Variants in GALNT13 observed in about 807,000 individuals in gnomAD.
The protein encoded by GALNT13 is UDP-GalNAc:polypeptide N-acetylgalactosaminyltransferase 13.
Under a neutral mutation model 64.2 loss-of-function variants are expected in GALNT13, and 28 were observed. The observed-to-expected ratio is 0.44, with a 90% CI of 0.32 to 0.60. GALNT13 has a LOEUF of 0.60. GALNT13 is among the 20% of genes least tolerant of loss of function. The pLI is 0.05. For synonymous variants in GALNT13, 214 were observed against 224.6 expected, an observed-to-expected ratio of 0.95 and a Z score of 0.42; for missense variants, 577 against 669.8, an observed-to-expected ratio of 0.86 and a Z score of 1.53.
intron 4 of GALNT13, among the ~76,000 whole-genome samples, chr2:154,206,256 C>T (rs551010889): frequency 6.6e-6 from 1 of 152,026 alleles, no homozygotes; most frequent in East Asian, 2.0e-4. Flanking sequence ...CCGCCTCGGC[C>T]TCCCAAAGTG....
the GALNT13 span, among the ~76,000 whole-genome samples, chr2:153,411,183 T>C: frequency 6.7e-6 from 1 of 148,970 alleles, no homozygotes; most frequent in Non-Finnish European, 1.5e-5. Flanking sequence ...ATATATATTT[T>C]TTTTTTTTCC....
At chr2:153,731,053 TA>T in the GALNT13 span, among the ~76,000 whole-genome samples, 1 of 151,650 alleles carries the variant, frequency 6.6e-6, no homozygotes, top group Non-Finnish European at 1.5e-5. Context: ...ATTGGATAAA[TA>T]AACTATTATA....
chr2:153,997,307 T>C (rs1191470886), intron 3 of GALNT13, among the ~76,000 whole-genome samples: 1 of 152,168 alleles, frequency 6.6e-6, no homozygotes, highest in African/African-American at 2.4e-5. Flanking sequence ...TATAAATATG[T>C]AATATCTTTT....
At chr2:153,519,091 A>G in the GALNT13 span, among the ~76,000 whole-genome samples, 2 of 152,188 alleles carry the variant, frequency 1.3e-5, no homozygotes, top group Non-Finnish European at 2.9e-5. Flanking sequence ...TATTGTGTCC[A>G]AGGCTCCTAG....
At chr2:153,399,041 G>T in the GALNT13 span, among the ~76,000 whole-genome samples, 1 of 123,878 alleles carries the variant, frequency 8.1e-6, no homozygotes, top group African/African-American at 3.1e-5. Context: ...TTCTTCTAGG[G>T]TTTTTATGGT....
the GALNT13 span, among the ~76,000 whole-genome samples, chr2:153,275,546 T>C: frequency 6.6e-6 from 1 of 152,140 alleles, no homozygotes; most frequent in African/African-American, 2.4e-5. Flanking sequence ...CCTCCAGAAG[T>C]ATGATAAATA....
chr2:153,610,967 T>C, the GALNT13 span, among the ~76,000 whole-genome samples: 4 of 152,098 alleles, frequency 2.6e-5, no homozygotes, highest in African/African-American at 9.6e-5. Flanking sequence ...AAAGGTAAAA[T>C]TATAGGAAAT....
intron 9 of GALNT13, among the ~76,000 whole-genome samples, chr2:154,367,787 C>T (rs1697454918): frequency 6.6e-6 from 1 of 152,024 alleles, no homozygotes; most frequent in Admixed American, 6.6e-5. Context: ...TGGATATGAT[C>T]TATAAACATA....
chr2:154,307,534 A>AC (rs1484696365), intron 9 of GALNT13, among the ~76,000 whole-genome samples: 2 of 152,196 alleles, frequency 1.3e-5, no homozygotes, highest in African/African-American at 4.8e-5. Context: ...CAAAGTTGGT[A>AC]GAGTCTATTT....
intron 3 of GALNT13, among the ~76,000 whole-genome samples, chr2:154,069,333 A>G (rs1700626732): frequency 6.6e-6 from 1 of 151,950 alleles, no homozygotes; most frequent in South Asian, 2.1e-4. Context: ...TAAAAAAAAT[A>G]ACTGTACTGT....
the GALNT13 span, chr2:153,593,293 C>T: frequency 1.3e-5 from 2 of 152,380 alleles, no homozygotes; most frequent in African/African-American, 4.8e-5. Context: ...CAGAGTGAGG[C>T]CTGTGACTGC....
At chr2:153,355,545 AT>A in the GALNT13 span, among the ~76,000 whole-genome samples, 1 of 152,226 alleles carries the variant, frequency 6.6e-6, no homozygotes, top group Non-Finnish European at 1.5e-5. Flanking sequence ...TAATTATAAA[AT>A]AGATAAATAT....
the GALNT13 span, among the ~76,000 whole-genome samples, chr2:153,451,009 A>C: frequency 6.6e-6 from 1 of 152,164 alleles, no homozygotes; most frequent in Non-Finnish European, 1.5e-5. Context: ...TTCTGTACAC[A>C]ATTCATTGTC....
the GALNT13 span, among the ~76,000 whole-genome samples, chr2:153,321,764 T>C: frequency 6.6e-6 from 1 of 152,158 alleles, no homozygotes; most frequent in East Asian, 1.9e-4. Flanking sequence ...GCAGTGACTG[T>C]TGGGGAAGCC....
At chr2:154,333,042 T>C (rs1392305486) in intron 9 of GALNT13, among the ~76,000 whole-genome samples, 1 of 151,970 alleles carries the variant, frequency 6.6e-6, no homozygotes. Flanking sequence ...GTTACCTTGG[T>C]TTTCAAATGT....
intron 9 of GALNT13, among the ~76,000 whole-genome samples, chr2:154,346,200 G>A (rs1696058394): frequency 6.6e-6 from 1 of 151,852 alleles, no homozygotes; most frequent in African/African-American, 2.4e-5. Flanking sequence ...CAGAATTATT[G>A]AAGGAATTAA....
chr2:154,163,223 A>G (rs1684839603), intron 4 of GALNT13, among the ~76,000 whole-genome samples: 1 of 145,096 alleles, frequency 6.9e-6, no homozygotes, highest in Admixed American at 7.3e-5. Context: ...ATGAGTGAGA[A>G]CGTGCGGTGT....
chr2:154,107,993 C>G (rs1425285040), intron 3 of GALNT13, among the ~76,000 whole-genome samples: 1 of 152,046 alleles, frequency 6.6e-6, no homozygotes, highest in African/African-American at 2.4e-5. Context: ...TTTCTTTATT[C>G]ATTTGTGTGT....
intron 8 of GALNT13, among the ~76,000 whole-genome samples, chr2:154,284,940 T>G (rs1692176777): frequency 6.6e-6 from 1 of 152,196 alleles, no homozygotes; most frequent in Non-Finnish European, 1.5e-5. Flanking sequence ...TGTGAGGTGA[T>G]ATCTCATGTG....
Sources: gnomAD v4.1 joint callset for allele counts (sites outside exome capture counted in the v4.1 genomes callset) on GRCh38, gnomAD v4.1.1 for gene constraint, MANE v1.5 for transcripts, NCBI Gene and HGNC (gene_info 2026-07-23, HGNC 2026-07-21) for gene names.